The following PFKFB2 variants were observed in gnomAD, a reference collection of about 807,000 sequenced individuals.
The protein encoded by PFKFB2 is 6-phosphofructo-2-kinase/fructose-2,6-biphosphatase 2, also known as 6-phosphofructo-2-kinase/fructose-2,6-bisphosphatase 2.
In PFKFB2, 53 loss-of-function variants were observed where a neutral mutation model predicts 68.0. The ratio of observed to expected loss-of-function variants is 0.78; its 90% CI spans 0.63 to 0.98. The LOEUF (loss-of-function observed/expected upper bound fraction) is 0.98, where lower values mean the gene tolerates loss of function less well. Among genes scored for constraint, PFKFB2 ranks in the 50% least tolerant of loss-of-function variants. The pLI is 0.00. For synonymous variants in PFKFB2, 222 were observed against 227.6 expected, an observed-to-expected ratio of 0.98 and a Z score of 0.22; for missense variants, 451 against 642.0, an observed-to-expected ratio of 0.70 and a Z score of 3.22.
intron 1 of PFKFB2, among the ~76,000 whole-genome samples, chr1:207,035,673 A>G (rs1682361716): frequency 6.9e-6 from 1 of 145,328 alleles, no homozygotes; most frequent in Non-Finnish European, 1.5e-5. Flanking sequence ...AAACAAACAA[A>G]CAAAAAAAAC....
At chr1:207,050,602 A>C, upstream of PFKFB2, 4 of 1,573,582 alleles carry the variant, frequency 2.5e-6, no homozygotes, top group Non-Finnish European at 3.4e-6. Context: ...ACTCACAGCC[A>C]CCTTGCCTTG....
chr1:207,068,181 A>G lies in PFKFB2; in HGVS notation c.859A>G (p.Lys287Glu). The G allele has an allele frequency of 3.7e-6, 6 of 1,609,618 alleles. No individual in the cohort carries two copies. The highest frequency in any genetic ancestry group is 5.1e-6 in the Non-Finnish European group (6 of 1,178,840). Reference sequence around the variant, plus strand: ...ACCCCAGTTTGCCCAAGCTCTAAGGAAATTTCTGGAGGAACAGGAAATAAC... The same window carrying G: ...ACCCCAGTTTGCCCAAGCTCTAAGGGAATTTCTGGAGGAACAGGAAATAAC... ...RGKQFAQALRKFLEEQEITDL... is the reference protein window; with the variant it reads ...RGKQFAQALREFLEEQEITDL... The change falls in exon 10 of 15, where the codon AAA becomes GAA. Residue 287 changes from lysine to glutamate, a missense_variant. Coordinates refer to ENST00000367080, the MANE Select transcript of PFKFB2 (RefSeq NM_006212.2).
Position 207,077,306 on chromosome 1 carries a change from A to G in PFKFB2, c.*4935A>G. The G allele has an allele frequency of 1.0e-6, 1 of 985,250 alleles. No homozygotes were observed. Among genetic ancestry groups the G allele is most frequent in the Non-Finnish European group, 1.2e-6 (1 of 829,732 alleles). 61.0% of individuals were successfully genotyped at this position (985,250 alleles called of 1,614,324 possible). On this transcript the variant is annotated 3_prime_UTR_variant, in exon 15 of 15. Coordinates refer to ENST00000367080, the MANE Select transcript of PFKFB2 (RefSeq NM_006212.2). The stretch of plus-strand genomic sequence containing the variant: ...TTTACACTTAATCTAGTAAGTAAAA[A>G]TGAGAAGAAAATTTGGCATTTAAAA...
chr1:207,067,806 G>A (rs889181078), intron 9 of PFKFB2, 100 bp downstream of exon 9: 19 of 1,004,702 alleles, frequency 1.9e-5, no homozygotes, highest in Non-Finnish European at 2.7e-5. Flanking sequence ...CCATTTGGAC[G>A]TAGGCTGTGG....
At chr1:207,049,002 C>T (rs770113342), upstream of PFKFB2, 15 of 1,604,632 alleles carry the variant, frequency 9.3e-6, no homozygotes, top group South Asian at 7.8e-5. Flanking sequence ...TAGGCTTCAA[C>T]CCTCATTCAT....
chr1:207,063,095 C>G lies in PFKFB2; in HGVS notation c.309-48C>G, dbSNP rs752331437. 1 of 1,497,308 alleles carries G rather than the reference C, an allele frequency of 6.7e-7. No individual in the cohort carries two copies. The highest frequency in any genetic ancestry group is 1.4e-5 in the African/African-American group (1 of 72,628). The allele number at this position is 1,497,308 out of a possible 1,614,324, so 92.8% of individuals were successfully genotyped here. A position where few individuals can be genotyped will look rare whatever the true frequency, so the allele number is the denominator to read the frequency against. ...GCCACCCGAATGTTTGTGTCTCTGA[C>G]TGTTTGAGCTTAGCTCTCCTTGCTG... On this transcript the variant is annotated intron_variant, in intron 4 of 14. Coordinates refer to ENST00000367080, the MANE Select transcript of PFKFB2 (RefSeq NM_006212.2). The surrounding 1 kb of genome is among the most constrained non-coding windows in gnomAD (Gnocchi z 4.1).
chr1:207,073,095 C>A lies in PFKFB2; in HGVS notation c.*724C>A. Reference sequence around the variant, plus strand: ...CATCCACAGAATATTCTGGAGCTTGCAAGTAGACATAGGGTGAGAGTTCTT... The same window carrying A: ...CATCCACAGAATATTCTGGAGCTTGAAAGTAGACATAGGGTGAGAGTTCTT... On this transcript the variant is annotated 3_prime_UTR_variant, in exon 15 of 15. Transcript: ENST00000367080. The A allele has an allele frequency of 1.0e-6, 1 of 985,468 alleles. No homozygotes were observed. Among genetic ancestry groups the A allele is most frequent in the African/African-American group, 1.7e-5 (1 of 57,360 alleles). 61.0% of individuals were successfully genotyped at this position (985,468 alleles called of 1,614,324 possible). A position where few individuals can be genotyped will look rare whatever the true frequency, so the allele number is the denominator to read the frequency against.
In PFKFB2 at chr1:207,076,760, C is replaced by T. The variant is rs1683637370; in HGVS notation, c.*4389C>T. On this transcript the variant is annotated 3_prime_UTR_variant, in exon 15 of 15. Coordinates refer to ENST00000367080, the MANE Select transcript of PFKFB2 (RefSeq NM_006212.2). ...TCTAGTAGGATCTGTTTGTCACTGA[C>T]AGACTGTAGTAGTGTCTGTGTGCTG... The T allele has an allele frequency of 1.0e-6, 1 of 970,914 alleles. No homozygotes were observed. Among genetic ancestry groups the T allele is most frequent in the Non-Finnish European group, 1.2e-6 (1 of 823,886 alleles). 60.1% of individuals were successfully genotyped at this position (970,914 alleles called of 1,614,324 possible).
Position 207,077,027 on chromosome 1 carries a change from T to G in PFKFB2, c.*4656T>G, listed in dbSNP as rs1227113726. On this transcript the variant is annotated 3_prime_UTR_variant, in exon 15 of 15. Transcript: ENST00000367080. ...ATTTCTTATATAGTAGTGGCCAAAT[T>G]CTCATTATTTTGTACAAGATAAAGG... 1.0e-6 allele frequency: 1 copy of G among 983,878 alleles called. No homozygotes were observed. The highest frequency in any genetic ancestry group is 6.1e-5 in the Admixed American group (1 of 16,264). 60.9% of individuals were successfully genotyped at this position (983,878 alleles called of 1,614,324 possible).
intron 8 of PFKFB2, among the ~76,000 whole-genome samples, chr1:207,066,258 G>A (rs2102269811): frequency 6.6e-6 from 1 of 152,308 alleles, no homozygotes; most frequent in East Asian, 1.9e-4. Flanking sequence ...GAAAGATGGT[G>A]TACACATGGA....
chr1:207,041,884 C>A (rs1396637364), intron 1 of PFKFB2, among the ~76,000 whole-genome samples: 1 of 152,210 alleles, frequency 6.6e-6, no homozygotes, highest in Non-Finnish European at 1.5e-5. Flanking sequence ...CACATTCTCT[C>A]TAGCATCTGT....
At chr1:207,060,273 C>T (rs1363210775) in intron 2 of PFKFB2, among the ~76,000 whole-genome samples, 1 of 152,226 alleles carries the variant, frequency 6.6e-6, no homozygotes, top group Non-Finnish European at 1.5e-5. Context: ...AGTCACCTGT[C>T]CCCTGAACAT....
In PFKFB2 at chr1:207,077,302, A is replaced by G. The variant is rs1683654651; in HGVS notation, c.*4931A>G. 1 of 984,988 alleles carries G rather than the reference A, an allele frequency of 1.0e-6. No individual in the cohort carries two copies. The highest frequency in any genetic ancestry group is 1.7e-5 in the African/African-American group (1 of 57,254). 61.0% of individuals were successfully genotyped at this position (984,988 alleles called of 1,614,324 possible). The stretch of plus-strand genomic sequence containing the variant: ...GGATTTTACACTTAATCTAGTAAGT[A>G]AAAATGAGAAGAAAATTTGGCATTT... On this transcript the variant is annotated 3_prime_UTR_variant, in exon 15 of 15. Coordinates refer to ENST00000367080, the MANE Select transcript of PFKFB2 (RefSeq NM_006212.2).
Position 207,072,212 on chromosome 1 carries a change from C to A in PFKFB2, c.1359C>A (p.Phe453Leu). Residue 453 changes from phenylalanine to leucine, a missense_variant, in exon 15 of 15, where the codon TTC becomes TTA. Phe to Leu is a conservative substitution (Grantham distance 22, BLOSUM62 0). Coordinates refer to ENST00000367080, the MANE Select transcript of PFKFB2 (RefSeq NM_006212.2). ...ACTCCATTTCCAATCAGAACAACTT[C>A]CCCAAGAACCAAACCCCTGTAAGGA... ...NTHRDKPTNN[F>L]PKNQTPVRMR... 6.2e-7 allele frequency: 1 copy of A among 1,613,532 alleles called. No homozygotes were observed. Among genetic ancestry groups the A allele is most frequent in the South Asian group, 1.1e-5 (1 of 91,002 alleles).
At position 207,066,720 on chromosome 1, in the gene PFKFB2, T is replaced by G. The variant is rs1391178649; in HGVS notation, c.633-779T>G. Among the ~76,000 whole-genome samples the G allele has an allele frequency of 3.3e-5, 5 of 152,300 alleles. No homozygotes were observed. The East Asian group carries it at 9.6e-4, about 29-fold the overall frequency. ...CAGGCTGGAGTGCAGTGGCACGATC[T>G]CGGCTCACTGCAACCTCCCCCTTCC... On this transcript the variant is annotated intron_variant, in intron 8 of 14. Coordinates refer to ENST00000367080, the MANE Select transcript of PFKFB2 (RefSeq NM_006212.2).
Position 207,072,305 on chromosome 1 carries a change from T to C in PFKFB2, c.1452T>C (p.Val484=). The change falls in exon 15 of 15, where the codon GTT becomes GTC. Residue 484 remains valine, a synonymous_variant. Transcript: ENST00000367080. ...NTIRRPRNYS[V]GSRPLKPLSP... ...TAAGGCGTCCAAGAAATTACAGTGT[T>C]GGGAGCCGGCCCCTCAAGCCCCTCA... The C allele has an allele frequency of 6.2e-7, 1 of 1,614,188 alleles. No homozygotes were observed. The highest frequency in any genetic ancestry group is 1.1e-5 in the South Asian group (1 of 91,084).
In PFKFB2 at chr1:207,074,176, T is replaced by G. The variant is rs1683555160; in HGVS notation, c.*1805T>G. The G allele has an allele frequency of 1.4e-5, 14 of 984,300 alleles. No individual in the cohort carries two copies. Among genetic ancestry groups the G allele is most frequent in the Non-Finnish European group, 1.7e-5 (14 of 828,940 alleles). 61.0% of individuals were successfully genotyped at this position (984,300 alleles called of 1,614,324 possible). On this transcript the variant is annotated 3_prime_UTR_variant, in exon 15 of 15. Coordinates refer to ENST00000367080, the MANE Select transcript of PFKFB2 (RefSeq NM_006212.2). ...ATAGCTCGGGTTAAGAACTCCACCT[T>G]AGGAAGTTAGGTGGAAAAATACTGG... is the stretch of plus-strand genomic sequence containing the variant.
At chr1:207,055,822 A>G (rs1682904616) in intron 2 of PFKFB2, among the ~76,000 whole-genome samples, 1 of 152,152 alleles carries the variant, frequency 6.6e-6, no homozygotes, top group Non-Finnish European at 1.5e-5. Flanking sequence ...CTCTTCACCT[A>G]GCACCCATGG....
chr1:207,063,044 A>G lies in PFKFB2; in HGVS notation c.309-99A>G, dbSNP rs1301597449. On this transcript the variant is annotated intron_variant, in intron 4 of 14. Transcript: ENST00000367080. The surrounding 1 kb of genome is among the most constrained non-coding windows in gnomAD (Gnocchi z 4.1). ...GAAAGGTTTTGAACAGTGGGAAACT[A>G]AGTGGGCAGGGATGTGACTTCTGTA... 2 of 988,954 alleles carry G rather than the reference A, an allele frequency of 2.0e-6. No homozygotes were observed. The highest frequency in any genetic ancestry group is 3.4e-5 in the Admixed American group (2 of 58,350). 61.3% of individuals were successfully genotyped at this position (988,954 alleles called of 1,614,324 possible). A position where few individuals can be genotyped will look rare whatever the true frequency, so the allele number is the denominator to read the frequency against.
Sources: allele counts gnomAD v4.1 joint callset (sites outside exome capture counted in the v4.1 genomes callset), GRCh38; gene constraint gnomAD v4.1.1; non-coding constraint Gnocchi (gnomAD v3.1); transcripts MANE v1.5; gene names NCBI Gene and HGNC (gene_info 2026-07-23, HGNC 2026-07-21).